PDE10A: variants seen among roughly 807,000 people sequenced by gnomAD.
The protein encoded by PDE10A is cAMP and cAMP-inhibited cGMP 3',5'-cyclic phosphodiesterase 10A.
PDE10A carries 39 observed loss-of-function variants against 97.7 expected under a neutral mutation model. The observed-to-expected ratio is 0.40, with a 90% CI of 0.31 to 0.52. The LOEUF (loss-of-function observed/expected upper bound fraction) is 0.52. Ranked by LOEUF, PDE10A falls within the 20% of genes least tolerant of loss-of-function variation. The pLI, the probability that PDE10A is intolerant of heterozygous loss-of-function variation, is 0.56. For missense variants in PDE10A, 731 were observed against 1,047.8 expected (o/e 0.70, Z 4.17); for synonymous variants, 371 against 376.8 (o/e 0.98, Z 0.18).
chr6:165,932,724 A>C (rs1242226685), intron 1 of PDE10A, among the ~76,000 whole-genome samples: 2 of 152,220 alleles, frequency 1.3e-5, no homozygotes, highest in Non-Finnish European at 2.9e-5. Context: ...TGCCCGCATC[A>C]GCCTCCCAAA....
At chr6:165,619,689 G>A (rs112190667) in intron 1 of PDE10A, among the ~76,000 whole-genome samples, 1 of 89,946 alleles carries the variant, frequency 1.1e-5, no homozygotes, top group Admixed American at 1.2e-4. Context: ...CTAGTGTAGT[G>A]TAGTGTAGTC....
At chr6:165,768,287 T>C (rs1777917810) in intron 1 of PDE10A, among the ~76,000 whole-genome samples, 1 of 152,154 alleles carries the variant, frequency 6.6e-6, no homozygotes. Context: ...TTTGATGAAG[T>C]CCAGTTTGTC....
At chr6:165,586,863 T>C (rs1403901821) in intron 1 of PDE10A, among the ~76,000 whole-genome samples, 1 of 152,196 alleles carries the variant, frequency 6.6e-6, no homozygotes, top group Non-Finnish European at 1.5e-5. Flanking sequence ...TATATAACTC[T>C]TTTATATTTG....
intron 1 of PDE10A, among the ~76,000 whole-genome samples, chr6:165,547,279 T>C (rs900331484): frequency 6.6e-6 from 1 of 152,096 alleles, no homozygotes; most frequent in African/African-American, 2.4e-5. Context: ...TTTCAGCATC[T>C]GGCAGGAGTA....
intron 1 of PDE10A, among the ~76,000 whole-genome samples, chr6:165,652,674 CT>C (rs1180638418): frequency 6.6e-6 from 1 of 152,158 alleles, no homozygotes; most frequent in African/African-American, 2.4e-5. Flanking sequence ...CTGTTAGTCT[CT>C]TTTTTTCCAA....
intron 1 of PDE10A, among the ~76,000 whole-genome samples, chr6:165,928,974 T>C (rs576450205): frequency 6.6e-6 from 1 of 152,196 alleles, no homozygotes; most frequent in South Asian, 2.1e-4. Flanking sequence ...GCCATACAGG[T>C]CTCCTTTCTA....
At chr6:165,835,113 G>T (rs1346424372) in intron 1 of PDE10A, among the ~76,000 whole-genome samples, 1 of 152,182 alleles carries the variant, frequency 6.6e-6, no homozygotes, top group Non-Finnish European at 1.5e-5. Context: ...GCAGAGAGAG[G>T]TGGGGAAGGG....
chr6:165,614,194 C>T (rs888566866), intron 1 of PDE10A, among the ~76,000 whole-genome samples: 2 of 152,226 alleles, frequency 1.3e-5, no homozygotes, highest in African/African-American at 4.8e-5. Flanking sequence ...AGTTTTGTTC[C>T]TCAAAACCAC....
rs891502392 is a variant in PDE10A at position 165,428,729 on chromosome 6, A to C, written c.1602-20T>G. On this transcript the variant is annotated intron_variant, in intron 9 of 21. Coordinates refer to ENST00000539869, the MANE Select transcript of PDE10A (RefSeq NM_001385079.1). ...TATGTTCTGAAAAAAAGAAACATAA[A>C]TCCTGTAAGTAATTTCATTAGTTCA... The C allele has an allele frequency of 5.0e-6, 5 of 998,512 alleles. No individual in the cohort carries two copies. The highest frequency in any genetic ancestry group is 1.6e-5 in the African/African-American group (1 of 61,526). 61.9% of individuals were successfully genotyped at this position (998,512 alleles called of 1,614,324 possible).
At position 165,327,300 on chromosome 6, in the gene PDE10A, C is replaced by T. The variant is rs568656399; in HGVS notation, c.*5725G>A. 16 of 152,160 alleles carry T rather than the reference C, an allele frequency of 1.1e-4. No homozygotes were observed. Among genetic ancestry groups the T allele is most frequent in the Non-Finnish European group, 2.4e-4 (16 of 68,024 alleles). The allele number at this position is 152,160 out of a possible 1,614,324, so 9.4% of individuals were successfully genotyped here. A position where few individuals can be genotyped will look rare whatever the true frequency, so the allele number is the denominator to read the frequency against. The stretch of plus-strand genomic sequence containing the variant: ...ATATACGTGAAAGATATTTTAAAAA[C>T]TCTGTATTCAATTATTCACACCAAA... On this transcript the variant is annotated 3_prime_UTR_variant, in exon 22 of 22. Coordinates refer to ENST00000539869, the MANE Select transcript of PDE10A (RefSeq NM_001385079.1).
At chr6:165,766,502 C>G (rs547555137) in intron 1 of PDE10A, among the ~76,000 whole-genome samples, 3 of 152,304 alleles carry the variant, frequency 2.0e-5, no homozygotes, top group African/African-American at 7.2e-5. Context: ...AACTGGAAAC[C>G]CTATCAGAGA....
chr6:165,800,633 T>C (rs1778958229), intron 1 of PDE10A, among the ~76,000 whole-genome samples: 1 of 152,248 alleles, frequency 6.6e-6, no homozygotes, highest in Admixed American at 6.5e-5. Context: ...TTTACGGTTG[T>C]GATTTATGAT....
chr6:165,515,765 G>GCCCA (rs1189336126), intron 2 of PDE10A, among the ~76,000 whole-genome samples: 5 of 151,882 alleles, frequency 3.3e-5, no homozygotes, highest in Non-Finnish European at 7.4e-5. Flanking sequence ...CTCATGATCC[G>GCCCA]CCCACCTCGG....
At chr6:165,342,477 G>A (rs1782030348) in intron 19 of PDE10A, among the ~76,000 whole-genome samples, 1 of 152,220 alleles carries the variant, frequency 6.6e-6, no homozygotes, top group African/African-American at 2.4e-5. Context: ...CTCAAGGTCT[G>A]TGATCCTCAT....
chr6:165,492,187 TAAC>T (rs1227574708), intron 2 of PDE10A, among the ~76,000 whole-genome samples: 1 of 152,072 alleles, frequency 6.6e-6, no homozygotes, highest in African/African-American at 2.4e-5. Context: ...AACAGACTAA[TAAC>T]AAGCAGCGAG....
rs1790311413 is a variant in PDE10A, at chr6:165,662,221, C to G, written c.591G>C (p.Ser197=). The change falls in exon 1 of 22, where the codon TCG becomes TCC. Residue 197 remains serine, a synonymous_variant. Coordinates refer to ENST00000539869, the MANE Select transcript of PDE10A (RefSeq NM_001385079.1). The stretch of plus-strand genomic sequence containing the variant: ...GAAGCAGCAAGCCCTGGAGCGCAGG[C>G]GAGAGGAAGAGCCGCCGCCGCCCGC... ...SGGGRRRLFL[S]PALQGLLLPA... 3 of 192,674 alleles carry G rather than the reference C, an allele frequency of 1.6e-5. No homozygotes were observed. The highest frequency in any genetic ancestry group is 7.2e-5 in the African/African-American group (3 of 41,730). 11.9% of individuals were successfully genotyped at this position (192,674 alleles called of 1,614,324 possible).
At chr6:165,374,810 T>A (rs1464054343) in intron 18 of PDE10A, among the ~76,000 whole-genome samples, 2 of 151,596 alleles carry the variant, frequency 1.3e-5, no homozygotes, top group African/African-American at 4.8e-5. Flanking sequence ...TACAGCAATA[T>A]CGGCAGCATT....
At chr6:165,644,576 G>A (rs1789298391) in intron 1 of PDE10A, among the ~76,000 whole-genome samples, 1 of 152,092 alleles carries the variant, frequency 6.6e-6, no homozygotes, top group Non-Finnish European at 1.5e-5. Context: ...AAATGTGTAG[G>A]ATCTCTTGAA....
intron 1 of PDE10A, among the ~76,000 whole-genome samples, chr6:165,917,295 C>T (rs1349102181): frequency 2.8e-5 from 4 of 143,232 alleles, no homozygotes; most frequent in African/African-American, 5.2e-5. Context: ...AGGCGTACAG[C>T]GGTCTCACTG....
Sources: gnomAD v4.1 joint callset for allele counts (sites outside exome capture counted in the v4.1 genomes callset) on GRCh38, gnomAD v4.1.1 for gene constraint, MANE v1.5 for transcripts, NCBI Gene and HGNC (gene_info 2026-07-23, HGNC 2026-07-21) for gene names.